Variants in CNIH4 observed in about 807,000 individuals in gnomAD.
CNIH4 encodes cornichon family member 4, also known as protein cornichon homolog 4.
In CNIH4, 9 loss-of-function variants were observed where a neutral mutation model predicts 21.5. The observed-to-expected ratio is 0.42, with a 90% confidence interval of 0.25 to 0.73. The LOEUF is 0.73. Among genes scored for constraint, CNIH4 ranks in the 30% least tolerant of loss-of-function variants. The pLI, the probability that CNIH4 is intolerant of heterozygous loss-of-function variation, is 0.27. For synonymous variants in CNIH4, 67 were observed against 59.1 expected (o/e 1.13, Z -0.61); for missense variants, 159 against 170.0 (o/e 0.94, Z 0.36).
intron 4 of CNIH4, among the ~76,000 whole-genome samples, chr1:224,375,368 G>C (rs544524526): frequency 1.3e-5 from 2 of 152,204 alleles, no homozygotes; most frequent in East Asian, 3.8e-4. Flanking sequence ...CAAAACCTGA[G>C]TAAGAAGTTA....
chr1:224,359,436 A>G (rs1672209157), intron 1 of CNIH4, among the ~76,000 whole-genome samples: 1 of 152,240 alleles, frequency 6.6e-6, no homozygotes, highest in South Asian at 2.1e-4. Context: ...ATGAGTGATT[A>G]TGATATATGA....
At chr1:224,359,440 TA>T (rs1408063070) in intron 1 of CNIH4, among the ~76,000 whole-genome samples, 1 of 152,164 alleles carries the variant, frequency 6.6e-6, no homozygotes, top group East Asian at 1.9e-4. Flanking sequence ...GTGATTATGA[TA>T]TATGAAACAG....
In CNIH4 at chr1:224,376,233, G is replaced by A. The variant is rs1672777408; in HGVS notation, c.*411G>A. The A allele has an allele frequency of 1.0e-6, 1 of 990,652 alleles. No individual in the cohort carries two copies. Among genetic ancestry groups the A allele is most frequent in the East Asian group, 1.1e-4 (1 of 9,120 alleles). The allele number at this position is 990,652 out of a possible 1,614,324, so 61.4% of individuals were successfully genotyped here. On this transcript the variant is annotated 3_prime_UTR_variant, in exon 5 of 5. Transcript: ENST00000465271. ...AGTACAAAACAACACTGTTGATCTG[G>A]ACAAAAGAAGAAAAATTACCCTTTT...
At chr1:224,373,459 A>G (rs1201279253) in intron 4 of CNIH4, among the ~76,000 whole-genome samples, 3 of 152,138 alleles carry the variant, frequency 2.0e-5, no homozygotes, top group African/African-American at 4.8e-5. Flanking sequence ...GCTTGGAGGT[A>G]TCTTGCTTAG....
intron 4 of CNIH4, 63 bp from the exon 5 acceptor site, chr1:224,375,732 A>C: frequency 6.2e-7 from 1 of 1,601,228 alleles, no homozygotes; most frequent in Non-Finnish European, 8.6e-7. Flanking sequence ...AGTCTGGACA[A>C]ACCAGGCTCT....
rs371860118 is a variant in CNIH4 at position 224,379,015 on chromosome 1, T to C, written c.*3193T>C. ...CATAGACTACTATCGAGTGCTCCTA[T>C]GTGCATCTTAGTACGTATCATTTTC... On this transcript the variant is annotated 3_prime_UTR_variant, in exon 5 of 5. Coordinates refer to ENST00000465271, the MANE Select transcript of CNIH4 (RefSeq NM_014184.4). 4 of 1,532,166 alleles carry C rather than the reference T, an allele frequency of 2.6e-6. No individual in the cohort carries two copies. The highest frequency in any genetic ancestry group is 3.5e-6 in the Non-Finnish European group (4 of 1,130,298). 94.9% of individuals were successfully genotyped at this position (1,532,166 alleles called of 1,614,324 possible). A position where few individuals can be genotyped will look rare whatever the true frequency, so the allele number is the denominator to read the frequency against.
chr1:224,359,217 C>T (rs1672202273), intron 1 of CNIH4, among the ~76,000 whole-genome samples: 1 of 152,164 alleles, frequency 6.6e-6, no homozygotes, highest in South Asian at 2.1e-4. Context: ...CACTTTTATC[C>T]TGCAGGCAAT....
intron 3 of CNIH4, among the ~76,000 whole-genome samples, chr1:224,366,807 A>AT (rs1361011633): frequency 3.3e-5 from 5 of 151,172 alleles, no homozygotes; most frequent in Admixed American, 1.3e-4. Context: ...AAAAATAAAA[A>AT]AAAAAATTAG....
intron 4 of CNIH4, among the ~76,000 whole-genome samples, chr1:224,375,160 A>C (rs1363504736): frequency 6.6e-6 from 1 of 152,172 alleles, no homozygotes; most frequent in Non-Finnish European, 1.5e-5. Context: ...GGAACTTGGT[A>C]ATTGCAGGCC....
intron 1 of CNIH4, chr1:224,357,396 C>G (rs1489843567): frequency 5.9e-6 from 1 of 169,318 alleles, no homozygotes; most frequent in Non-Finnish European, 1.2e-5. Context: ...GCGCCGTGCT[C>G]TTCGTCGGAT....
At position 224,378,043 on chromosome 1, in the gene CNIH4, C is replaced by G. The variant is rs1346562431; in HGVS notation, c.*2221C>G. On this transcript the variant is annotated 3_prime_UTR_variant, in exon 5 of 5. Coordinates refer to ENST00000465271, the MANE Select transcript of CNIH4 (RefSeq NM_014184.4). The stretch of plus-strand genomic sequence containing the variant: ...TCAAAGCCAGGAAAGTGGGGGATCA[C>G]TGTAGTTAAATTTTTTTTTTTTTTA... The G allele has an allele frequency of 6.6e-6, 1 of 151,986 alleles. No homozygotes were observed. Among genetic ancestry groups the G allele is most frequent in the Non-Finnish European group, 1.5e-5 (1 of 68,014 alleles). The allele number at this position is 151,986 out of a possible 1,614,324, so 9.4% of individuals were successfully genotyped here.
At chr1:224,366,615 C>A (rs1335644185) in intron 3 of CNIH4, among the ~76,000 whole-genome samples, 1 of 151,646 alleles carries the variant, frequency 6.6e-6, no homozygotes, top group African/African-American at 2.4e-5. Context: ...TCTCAAAGTG[C>A]TGGGATTACA....
chr1:224,373,967 G>C (rs1183052358), intron 4 of CNIH4, among the ~76,000 whole-genome samples: 1 of 152,224 alleles, frequency 6.6e-6, no homozygotes, highest in Non-Finnish European at 1.5e-5. Context: ...GGGCAGCTGT[G>C]TACTTCACTG....
chr1:224,364,919 GAAA>G (rs879373464), intron 2 of CNIH4, among the ~76,000 whole-genome samples: 1 of 130,972 alleles, frequency 7.6e-6, no homozygotes, highest in Non-Finnish European at 1.7e-5. Context: ...GCGACAGAGC[GAAA>G]AAAAAAAAAA....
At chr1:224,373,385 G>C (rs552962104) in intron 4 of CNIH4, among the ~76,000 whole-genome samples, 197 of 152,300 alleles carry the variant, frequency 1.3e-3, no homozygotes, top group African/African-American at 4.2e-3. Flanking sequence ...ACTAGAGCAG[G>C]CATCTCCTGG....
chr1:224,379,388 G>A lies in CNIH4; in HGVS notation c.*3566G>A. 1 of 413,836 alleles carries A rather than the reference G, an allele frequency of 2.4e-6. No homozygotes were observed. Among genetic ancestry groups the A allele is most frequent in the Non-Finnish European group, 4.5e-6 (1 of 221,714 alleles). The allele number at this position is 413,836 out of a possible 1,614,324, so 25.6% of individuals were successfully genotyped here. On this transcript the variant is annotated 3_prime_UTR_variant, in exon 5 of 5. Coordinates refer to ENST00000465271, the MANE Select transcript of CNIH4 (RefSeq NM_014184.4). ...TTCATATTTGTATCTTCTTCCTTCT[G>A]CTCTTGGCACCTAACACAGTGCCTT...
intron 2 of CNIH4, among the ~76,000 whole-genome samples, chr1:224,362,037 T>G (rs1672302314): frequency 6.6e-6 from 1 of 152,136 alleles, no homozygotes; most frequent in Non-Finnish European, 1.5e-5. Context: ...AAGACACCCC[T>G]TGGTGGTCTT....
intron 2 of CNIH4, among the ~76,000 whole-genome samples, chr1:224,362,490 T>C (rs1272605502): frequency 1.4e-4 from 11 of 75,990 alleles, no homozygotes; most frequent in African/African-American, 9.8e-4. Flanking sequence ...CTGTGTACTT[T>C]TTTTTTTTTT....
Position 224,379,149 on chromosome 1 carries a change from A to C in CNIH4, c.*3327A>C. The C allele has an allele frequency of 1.3e-6, 2 of 1,536,536 alleles. No homozygotes were observed. The highest frequency in any genetic ancestry group is 2.4e-5 in the South Asian group (2 of 83,752). ...CGAAATCCAAGATGCAGCTCAGTTCATCAAAGCCTAGCAGGTCCCCTCAGC... is the reference window on the plus strand; with the variant it reads ...CGAAATCCAAGATGCAGCTCAGTTCCTCAAAGCCTAGCAGGTCCCCTCAGC... On this transcript the variant is annotated 3_prime_UTR_variant, in exon 5 of 5. Coordinates refer to ENST00000465271, the MANE Select transcript of CNIH4 (RefSeq NM_014184.4).
Sources: allele counts gnomAD v4.1 joint callset (sites outside exome capture counted in the v4.1 genomes callset), GRCh38; gene constraint gnomAD v4.1.1; transcripts MANE v1.5; gene names NCBI Gene and HGNC (gene_info 2026-07-23, HGNC 2026-07-21).